DGKD: variants seen among roughly 807,000 people sequenced by gnomAD.
DGKD encodes the protein DAG kinase delta.
DGKD carries 68 observed loss-of-function variants against 154.4 expected under a neutral mutation model. The observed-to-expected ratio is 0.44, with a 90% CI of 0.36 to 0.54. The LOEUF (loss-of-function observed/expected upper bound fraction) is 0.54, where lower values mean the gene tolerates loss of function less well. Ranked by LOEUF, DGKD falls within the 20% of genes least tolerant of loss-of-function variation. The probability of loss-of-function intolerance (pLI) is 0.00; values close to 1 mark genes in which losing one functional copy is unlikely to be tolerated. For missense variants in DGKD, 1,343 were observed against 1,593.6 expected (o/e 0.84, Z 2.68); for synonymous variants, 693 against 638.0 (o/e 1.09, Z -1.30).
chr2:233,362,196 A>G (rs185789468), intron 1 of DGKD, among the ~76,000 whole-genome samples: 3 of 152,238 alleles, frequency 2.0e-5, no homozygotes, highest in Admixed American at 6.5e-5. Flanking sequence ...TGTGTGAACC[A>G]GAAGATAGCT....
intron 27 of DGKD, among the ~76,000 whole-genome samples, chr2:233,465,587 A>G (rs1425600551): frequency 6.6e-6 from 1 of 152,182 alleles, no homozygotes; most frequent in East Asian, 1.9e-4. Context: ...CCCTGTCTCT[A>G]TTAAAAAAAA....
At chr2:233,368,806 C>T (rs1396499765) in intron 1 of DGKD, among the ~76,000 whole-genome samples, 1 of 152,188 alleles carries the variant, frequency 6.6e-6, no homozygotes, top group Non-Finnish European at 1.5e-5. Flanking sequence ...TGGAAACACA[C>T]CTTCATCTGG....
chr2:233,393,558 G>A lies in DGKD; in HGVS notation c.348+3075G>A. On this transcript the variant is annotated intron_variant, in intron 3 of 29. Transcript: ENST00000264057. ...TCGCCATGTTGTCTAGGCTGGTCTT[G>A]ACCTCCTGACCTCAAGTGATCCTCC... 1.3e-5 allele frequency among the ~76,000 whole-genome samples: 2 copies of A among 150,526 alleles called. 1 individual carries two copies. The highest frequency in any genetic ancestry group is 3.9e-4 in the East Asian group (2 of 5,090).
intron 3 of DGKD, among the ~76,000 whole-genome samples, chr2:233,425,022 A>G (rs1219775978): frequency 6.6e-6 from 1 of 152,108 alleles, no homozygotes; most frequent in Non-Finnish European, 1.5e-5. Flanking sequence ...ATGGGAGGAC[A>G]TTTTGTCTGG....
intron 1 of DGKD, among the ~76,000 whole-genome samples, chr2:233,360,398 A>G (rs34707589): frequency 0.23 from 34,972 of 151,946 alleles, 4,336 homozygotes; most frequent in South Asian, 0.49. Context: ...CTCCAGATGC[A>G]TTCCATGATG....
intron 3 of DGKD, among the ~76,000 whole-genome samples, chr2:233,432,658 C>CA (rs1488929652): frequency 1.3e-5 from 2 of 151,812 alleles, no homozygotes; most frequent in Admixed American, 6.6e-5. Context: ...GGCTCCGTCT[C>CA]AAAAAAACAA....
chr2:233,383,452 CTT>C (rs1703005562), intron 1 of DGKD, among the ~76,000 whole-genome samples: 1 of 152,120 alleles, frequency 6.6e-6, no homozygotes, highest in Non-Finnish European at 1.5e-5. Context: ...TCTGAGGTGT[CTT>C]TGATGAGCAG....
Position 233,449,449 on chromosome 2 carries a change from G to A in DGKD, c.1888+73G>A. ...GCATGCCCAGCGTCCCCTGAACACG[G>A]AGATGACAGAAGGGTGCATGTTGAG... On this transcript the variant is annotated intron_variant, in intron 15 of 29. Transcript: ENST00000264057. The surrounding 1 kb of genome is among the most constrained non-coding windows in gnomAD (Gnocchi z 5.3). The A allele has an allele frequency of 1.3e-6, 2 of 1,510,570 alleles. No individual in the cohort carries two copies. Among genetic ancestry groups the A allele is most frequent in the Non-Finnish European group, 1.8e-6 (2 of 1,124,814 alleles). 93.6% of individuals were successfully genotyped at this position (1,510,570 alleles called of 1,614,324 possible).
intron 3 of DGKD, among the ~76,000 whole-genome samples, chr2:233,406,133 C>T (rs2061680046): frequency 1.3e-5 from 2 of 152,216 alleles, no homozygotes; most frequent in Admixed American, 1.3e-4. Context: ...AGATCTGCCT[C>T]TGTCTCCACA....
intron 1 of DGKD, among the ~76,000 whole-genome samples, chr2:233,361,400 A>G (rs1701774860): frequency 1.3e-5 from 2 of 152,222 alleles, no homozygotes; most frequent in East Asian, 1.9e-4. Flanking sequence ...CCAGTTATCA[A>G]TGGAGGCCTC....
At chr2:233,442,070 T>C in intron 10 of DGKD, 75 bp downstream of exon 10, 2 of 1,271,714 alleles carry the variant, frequency 1.6e-6, no homozygotes, top group South Asian at 2.4e-5. Context: ...CAGTCTCAGC[T>C]CCTGTTCATC....
At chr2:233,413,420 A>AT (rs1049772871) in intron 3 of DGKD, among the ~76,000 whole-genome samples, 3 of 149,560 alleles carry the variant, frequency 2.0e-5, no homozygotes, top group African/African-American at 7.4e-5. Context: ...TAATGTTCAG[A>AT]TTTTTTGTTT....
intron 3 of DGKD, among the ~76,000 whole-genome samples, chr2:233,396,572 T>C (rs887933731): frequency 3.3e-5 from 5 of 152,182 alleles, no homozygotes; most frequent in Non-Finnish European, 5.9e-5. Context: ...GAGCAGTACA[T>C]GGTGCCTGAT....
chr2:233,366,211 A>G lies in DGKD; in HGVS notation c.156+11537A>G, dbSNP rs771972432. On this transcript the variant is annotated intron_variant, in intron 1 of 29. Coordinates refer to ENST00000264057, the MANE Select transcript of DGKD (RefSeq NM_152879.3). ...TTTTCCCCCAGATTAGTGGGATACTATTGCTTTAAGATTTTAGGAAGGACC... is the reference window on the plus strand; with the variant it reads ...TTTTCCCCCAGATTAGTGGGATACTGTTGCTTTAAGATTTTAGGAAGGACC... 5.3e-5 allele frequency among the ~76,000 whole-genome samples: 8 copies of G among 152,122 alleles called. No homozygotes were observed. In the South Asian group the frequency reaches 6.2e-4, roughly 12 times the overall value.
intron 1 of DGKD, among the ~76,000 whole-genome samples, chr2:233,385,349 A>C (rs1703116535): frequency 6.6e-6 from 1 of 152,078 alleles, no homozygotes; most frequent in East Asian, 1.9e-4. Context: ...TGGGGAGCCC[A>C]GCACTGGGAT....
At chr2:233,455,280 G>C (rs74726754) in intron 19 of DGKD, among the ~76,000 whole-genome samples, 3,137 of 152,246 alleles carry the variant, frequency 0.021, 110 homozygotes, top group African/African-American at 0.071. Flanking sequence ...CATCACACCC[G>C]AGCCTGCCCA....
chr2:233,448,957 G>C (rs569176775), intron 14 of DGKD, 146 bp from the exon 15 acceptor site: 2 of 1,041,806 alleles, frequency 1.9e-6, no homozygotes, highest in East Asian at 4.9e-5. Flanking sequence ...AGTAGCCTCT[G>C]GTCTTTTTGT....
chr2:233,439,732 T>G (rs1046239723), intron 9 of DGKD, among the ~76,000 whole-genome samples: 7 of 152,078 alleles, frequency 4.6e-5, no homozygotes, highest in Non-Finnish European at 1.0e-4. Flanking sequence ...CAGCTAATTT[T>G]TTTTTTTTAT....
chr2:233,390,371 G>A lies in DGKD; in HGVS notation c.268-32G>A, dbSNP rs771007610. ...TGCTTAGGGATGTACCTGTCTTTAT[G>A]TGCCTTAGTCCCTGTGTTTGTCTCT... On this transcript the variant is annotated intron_variant, in intron 2 of 29. Transcript: ENST00000264057. The A allele has an allele frequency of 3.2e-6, 5 of 1,584,280 alleles. No homozygotes were observed. The African/African-American group carries it at 6.7e-5, about 21-fold the overall frequency.
Sources: gnomAD v4.1 joint callset for allele counts (sites outside exome capture counted in the v4.1 genomes callset) on GRCh38, gnomAD v4.1.1 for gene constraint, Gnocchi (gnomAD v3.1) non-coding constraint, MANE v1.5 for transcripts, NCBI Gene and HGNC (gene_info 2026-07-23, HGNC 2026-07-21) for gene names.